The following DNAH8 variants were observed in gnomAD, a reference collection of about 807,000 sequenced individuals.
The protein encoded by DNAH8 is dynein axonemal heavy chain 8, also known as axonemal beta dynein heavy chain 8.
Under a neutral mutation model 562.1 loss-of-function variants are expected in DNAH8, and 382 were observed. The ratio of observed to expected loss-of-function variants is 0.68; its 90% CI spans 0.63 to 0.74. DNAH8 has a LOEUF of 0.74. Ranked by LOEUF, DNAH8 falls within the 30% of genes least tolerant of loss-of-function variation. The probability of loss-of-function intolerance (pLI) is 0.00; values close to 1 mark genes in which losing one functional copy is unlikely to be tolerated. For synonymous variants in DNAH8, 1,881 were observed against 1,919.4 expected (o/e 0.98, Z 0.52); for missense variants, 5,203 against 5,620.4 (o/e 0.93, Z 2.37).
chr6:38,856,388 G>A (rs1055698874), intron 41 of DNAH8, among the ~76,000 whole-genome samples: 12 of 152,172 alleles, frequency 7.9e-5, no homozygotes, highest in African/African-American at 2.9e-4. Flanking sequence ...GGTGACTCAA[G>A]ATAATGATTG....
intron 76 of DNAH8, among the ~76,000 whole-genome samples, chr6:38,934,077 G>A (rs1448930219): frequency 1.3e-5 from 2 of 152,180 alleles, no homozygotes; most frequent in Non-Finnish European, 2.9e-5. Flanking sequence ...TAGAGGCCAG[G>A]CGTGGTGGCT....
At chr6:38,961,614 C>G (rs1762608804) in intron 82 of DNAH8, among the ~76,000 whole-genome samples, 1 of 151,988 alleles carries the variant, frequency 6.6e-6, no homozygotes, top group African/African-American at 2.4e-5. Flanking sequence ...ATACTGTTAT[C>G]TTGATGGGTG....
rs1583002550 is a variant in DNAH8 at position 38,786,757 on chromosome 6, A to G, written c.2396-8A>G. On this transcript the variant is annotated splice_polypyrimidine_tract_variant and splice_region_variant and intron_variant, in intron 17 of 92. Transcript: ENST00000327475. ...GAATGAGTAATGTCAATCATTATTT[A>G]TTTGTAGCTTTACAAGCCACGCTTT... 6.2e-7 allele frequency: 1 copy of G among 1,609,874 alleles called. No individual in the cohort carries two copies. Among genetic ancestry groups the G allele is most frequent in the Admixed American group, 1.7e-5 (1 of 58,876 alleles).
intron 9 of DNAH8, 65 bp from the exon 10 acceptor site, chr6:38,755,907 A>C (rs1353842383): frequency 2.1e-6 from 2 of 940,438 alleles, no homozygotes; most frequent in African/African-American, 3.3e-5. Flanking sequence ...TTTGAGTATT[A>C]TAGAATATTG....
chr6:38,896,995 C>T (rs1779742466), intron 60 of DNAH8, among the ~76,000 whole-genome samples: 1 of 151,816 alleles, frequency 6.6e-6, no homozygotes, highest in Admixed American at 6.6e-5. Context: ...CCGTGTTGGT[C>T]CTGTGATTAC....
In DNAH8 at chr6:38,791,611, T is replaced by C; in HGVS notation, c.2838T>C (p.Thr946=). The C allele has an allele frequency of 1.9e-6, 3 of 1,613,970 alleles. No individual in the cohort carries two copies. The highest frequency in any genetic ancestry group is 1.7e-5 in the Admixed American group (1 of 60,022). The part of the protein sequence containing the change: ...IDTVLKEIAK[T]VLISLPESGA... ...CAGTTCTGAAGGAGATAGCCAAAAC[T>C]GTGTTGATTTCTCTGCCTGAAAGTG... Residue 946 remains threonine (T), a synonymous_variant, in exon 21 of 93, where the codon ACT becomes ACC. Transcript: ENST00000327475.
intron 4 of DNAH8, among the ~76,000 whole-genome samples, chr6:38,732,331 C>T (rs1267355879): frequency 6.6e-6 from 1 of 152,110 alleles, no homozygotes; most frequent in Non-Finnish European, 1.5e-5. Flanking sequence ...TCCTGGGGGC[C>T]AGGGAGGCTG....
intron 67 of DNAH8, among the ~76,000 whole-genome samples, chr6:38,914,396 T>C (rs1176981903): frequency 7.2e-6 from 1 of 138,504 alleles, no homozygotes; most frequent in African/African-American, 2.7e-5. Context: ...TTTTCTCTTT[T>C]TTTTTTTTTT....
In DNAH8 at chr6:38,917,410, A is replaced by G; in HGVS notation, c.10308+4A>G. 3 of 1,612,014 alleles carry G rather than the reference A, an allele frequency of 1.9e-6. No homozygotes were observed. Among genetic ancestry groups the G allele is most frequent in the Non-Finnish European group, 2.5e-6 (3 of 1,178,704 alleles). On this transcript the variant is annotated splice_donor_region_variant and intron_variant, in intron 69 of 92. Coordinates refer to ENST00000327475, the MANE Select transcript of DNAH8 (RefSeq NM_001206927.2). ...ATCATGGGGAGAGTCATTAAAGGTA[A>G]GTAAAATCTATCATTGTCAATCCTA...
intron 48 of DNAH8, 75 bp from the exon 49 acceptor site, chr6:38,870,326 C>A: frequency 2.2e-6 from 3 of 1,338,314 alleles, no homozygotes; most frequent in Non-Finnish European, 3.2e-6. Flanking sequence ...GTGATAAGTA[C>A]TATGCACATC....
chr6:38,812,388 C>A (rs368900865), intron 24 of DNAH8, among the ~76,000 whole-genome samples: 3 of 152,134 alleles, frequency 2.0e-5, no homozygotes, highest in African/African-American at 7.2e-5. Context: ...ACAAGTTCTG[C>A]GGCAATTTAG....
Position 38,778,413 on chromosome 6 carries a change from G to A in DNAH8, c.1988G>A (p.Ser663Asn). ...GTACAAATACAGGCATTTATGAACA[G>A]TAGTTTTGGGAAAATCTTATCTTCT... Reference protein sequence around the residue: ...LEVQIQAFMNSSFGKILSSQQ... With the variant: ...LEVQIQAFMNNSFGKILSSQQ... The change falls in exon 14 of 93, where the codon AGT becomes AAT. Residue 663 changes from serine to asparagine, a missense_variant. This residue lies in a region of DNAH8 where 2,176 missense variants were observed against 2,365.1 expected (regional missense o/e 0.92). Coordinates refer to ENST00000327475, the MANE Select transcript of DNAH8 (RefSeq NM_001206927.2). 4 of 1,585,184 alleles carry A rather than the reference G, an allele frequency of 2.5e-6. No individual in the cohort carries two copies. The highest frequency in any genetic ancestry group is 3.5e-6 in the Non-Finnish European group (4 of 1,155,738).
chr6:38,862,106 G>T (rs377514804), intron 43 of DNAH8, among the ~76,000 whole-genome samples, 174 bp from the exon 44 acceptor site: 2 of 152,146 alleles, frequency 1.3e-5, no homozygotes, highest in Non-Finnish European at 2.9e-5. Context: ...TGGGCTCACT[G>T]TAGTACTTTT....
At chr6:38,762,478 GTT>G (rs1766613152) in intron 11 of DNAH8, among the ~76,000 whole-genome samples, 1 of 152,158 alleles carries the variant, frequency 6.6e-6, no homozygotes, top group South Asian at 2.1e-4. Flanking sequence ...GTTTGCTACA[GTT>G]TTGTTTAGGA....
chr6:38,926,816 C>T (rs1195712991), intron 74 of DNAH8, among the ~76,000 whole-genome samples: 2 of 152,140 alleles, frequency 1.3e-5, no homozygotes, highest in African/African-American at 4.8e-5. Flanking sequence ...TCTTTCTCTA[C>T]CTCCACTTAT....
Position 38,870,464 on chromosome 6 carries a change from G to C in DNAH8, c.6892G>C (p.Asp2298His). ...INDLFPGLQL[D>H]SNTYAELQNA... ...TGACCTGTTCCCAGGACTGCAACTG[G>C]ATAGTAATACTTATGCAGAACTGCA... is the stretch of plus-strand genomic sequence containing the variant. Residue 2298 changes from aspartate (D) to histidine (H), a missense_variant, in exon 49 of 93, where the codon GAT (aspartate) becomes CAT (histidine). Around this residue, in one of 6 missense-constraint regions of DNAH8, gnomAD observed 2,176 missense variants for 2,365.1 expected, o/e 0.92. Transcript: ENST00000327475. 1 of 1,614,028 alleles carries C rather than the reference G, an allele frequency of 6.2e-7. No individual in the cohort carries two copies. Among genetic ancestry groups the C allele is most frequent in the Non-Finnish European group, 8.5e-7 (1 of 1,179,938 alleles).
At chr6:38,746,567 G>A (rs1764951895) in intron 8 of DNAH8, among the ~76,000 whole-genome samples, 1 of 137,328 alleles carries the variant, frequency 7.3e-6, no homozygotes, top group South Asian at 2.1e-4. Context: ...TTTATATTTA[G>A]ATGAATTAAT....
At chr6:38,781,185 A>T in intron 15 of DNAH8, 69 bp from the exon 16 acceptor site, 3 of 1,511,084 alleles carry the variant, frequency 2.0e-6, no homozygotes, top group East Asian at 2.3e-5. Context: ...ATACAAATAT[A>T]GCTGTATATA....
Position 38,726,784 on chromosome 6 carries a change from C to G in DNAH8, c.526-3118C>G, listed in dbSNP as rs374289496. Among the ~76,000 whole-genome samples, 218 of 148,872 alleles carry G rather than the reference C, an allele frequency of 1.5e-3. 1 individual carries two copies. Among genetic ancestry groups the G allele is most frequent in the Non-Finnish European group, 2.4e-3 (165 of 67,552 alleles). On this transcript the variant is annotated intron_variant, in intron 3 of 92. Transcript: ENST00000327475. ...GTGAGTAAAGAGATGGAACAAGGAACAAGGGGTGGCATGATTTGGTGTGGT... is the reference window on the plus strand; with the variant it reads ...GTGAGTAAAGAGATGGAACAAGGAAGAAGGGGTGGCATGATTTGGTGTGGT...
Sources: gnomAD v4.1 joint callset for allele counts (sites outside exome capture counted in the v4.1 genomes callset) on GRCh38, gnomAD v4.1.1 for gene constraint, gnomAD v4.1.1 regional missense constraint, MANE v1.5 for transcripts, NCBI Gene and HGNC (gene_info 2026-07-23, HGNC 2026-07-21) for gene names.